NAALADL2: variants seen among roughly 807,000 people sequenced by gnomAD.
NAALADL2 encodes the protein N-acetylated alpha-linked acidic dipeptidase like 2.
A neutral mutation model predicts 87.2 loss-of-function variants in NAALADL2; 76 were observed. That is an observed-to-expected ratio of 0.87 (90% CI 0.72 to 1.05). The LOEUF (loss-of-function observed/expected upper bound fraction) is 1.05, where lower values mean the gene tolerates loss of function less well. Ranked by LOEUF, NAALADL2 falls within the 50% of genes least tolerant of loss-of-function variation. The pLI, the probability that NAALADL2 is intolerant of heterozygous loss-of-function variation, is 0.00. For synonymous variants in NAALADL2, 354 were observed against 331.0 expected (o/e 1.07, Z -0.75); for missense variants, 1,089 against 945.8 (o/e 1.15, Z -1.99).
At chr3:174,968,199 G>A (rs1265421207) in intron 1 of NAALADL2, among the ~76,000 whole-genome samples, 1 of 152,130 alleles carries the variant, frequency 6.6e-6, no homozygotes, top group Non-Finnish European at 1.5e-5. Context: ...GAGATGGTCT[G>A]TTACTCTTGC....
At chr3:175,113,273 C>G (rs184426096) in intron 2 of NAALADL2, among the ~76,000 whole-genome samples, 2 of 151,598 alleles carry the variant, frequency 1.3e-5, no homozygotes, top group East Asian at 3.9e-4. Context: ...GTAGCCACTT[C>G]ATAAATATTC....
intron 10 of NAALADL2, among the ~76,000 whole-genome samples, chr3:175,615,380 A>C (rs77445161): frequency 0.019 from 2,839 of 152,312 alleles, 57 homozygotes; most frequent in Non-Finnish European, 0.022. Context: ...TTTGATGAAT[A>C]AATAGTTCTA....
intron 1 of NAALADL2, among the ~76,000 whole-genome samples, chr3:174,462,311 T>C (rs948204208): frequency 6.6e-6 from 1 of 152,118 alleles, no homozygotes; most frequent in Admixed American, 6.6e-5. Context: ...TGTATAATGA[T>C]GTAGCCACCT....
chr3:175,786,132 C>T (rs930736940), intron 13 of NAALADL2, among the ~76,000 whole-genome samples: 2 of 151,960 alleles, frequency 1.3e-5, no homozygotes, highest in Non-Finnish European at 2.9e-5. Context: ...CTGCCCTTAA[C>T]ATTTTTTCCT....
chr3:174,793,760 G>T (rs1487577241), intron 3 of NAALADL2, among the ~76,000 whole-genome samples: 1 of 150,570 alleles, frequency 6.6e-6, no homozygotes, highest in Non-Finnish European at 1.5e-5. Context: ...TATCAACCAG[G>T]TACTGTTTAC....
At chr3:174,814,551 T>C (rs978955642) in intron 3 of NAALADL2, among the ~76,000 whole-genome samples, 1 of 152,138 alleles carries the variant, frequency 6.6e-6, no homozygotes, top group Non-Finnish European at 1.5e-5. Flanking sequence ...TGTGTGTACC[T>C]TGTGTGTGAT....
intron 2 of NAALADL2, among the ~76,000 whole-genome samples, chr3:174,717,740 G>C (rs1731326088): frequency 6.6e-6 from 1 of 152,198 alleles, no homozygotes; most frequent in South Asian, 2.1e-4. Context: ...ATGCTTAAGA[G>C]CATTTCCTTG....
chr3:174,737,997 G>T (rs1733380241), intron 3 of NAALADL2, among the ~76,000 whole-genome samples: 1 of 152,002 alleles, frequency 6.6e-6, no homozygotes, highest in African/African-American at 2.4e-5. Flanking sequence ...GTTGAAATTG[G>T]TACAGTCTTC....
At chr3:175,383,291 T>C (rs1767996361) in intron 5 of NAALADL2, among the ~76,000 whole-genome samples, 1 of 152,046 alleles carries the variant, frequency 6.6e-6, no homozygotes, top group Non-Finnish European at 1.5e-5. Flanking sequence ...CCTTTTATTA[T>C]ATTTTATTAA....
chr3:175,655,611 T>G, intron 11 of NAALADL2: 1 of 190,282 alleles, frequency 5.3e-6, no homozygotes, highest in Non-Finnish European at 1.1e-5. Context: ...GCAAGAGAGA[T>G]TTCCTGTTAC....
intron 1 of NAALADL2, among the ~76,000 whole-genome samples, chr3:174,501,773 A>G (rs1193596852): frequency 2.0e-5 from 3 of 151,894 alleles, no homozygotes; most frequent in Non-Finnish European, 2.9e-5. Flanking sequence ...TTGGTAATTT[A>G]TATCTTTTTT....
chr3:174,522,493 CA>C (rs1051061652), intron 1 of NAALADL2, among the ~76,000 whole-genome samples: 18 of 150,732 alleles, frequency 1.2e-4, no homozygotes, highest in Admixed American at 1.1e-3. Flanking sequence ...TTCATCTCTC[CA>C]AAAAAAAGAA....
chr3:175,790,494 T>C (rs988775155), intron 13 of NAALADL2, among the ~76,000 whole-genome samples: 2 of 152,198 alleles, frequency 1.3e-5, no homozygotes, highest in African/African-American at 4.8e-5. Context: ...AAACACTCAT[T>C]ATCAATCTTT....
At chr3:174,778,016 C>T (rs1015341223) in intron 3 of NAALADL2, among the ~76,000 whole-genome samples, 4 of 152,054 alleles carry the variant, frequency 2.6e-5, no homozygotes, top group Non-Finnish European at 5.9e-5. Context: ...CATTCCAATG[C>T]TATGACAATT....
chr3:175,040,769 G>A (rs559702330), intron 1 of NAALADL2, among the ~76,000 whole-genome samples: 2 of 152,178 alleles, frequency 1.3e-5, no homozygotes, highest in East Asian at 1.9e-4. Flanking sequence ...TATAGGCAAG[G>A]CCATAACAAA....
intron 2 of NAALADL2, among the ~76,000 whole-genome samples, chr3:175,233,079 A>G (rs1294738514): frequency 2.0e-5 from 3 of 152,224 alleles, no homozygotes; most frequent in African/African-American, 7.2e-5. Flanking sequence ...AGAAAGTACA[A>G]CACAACATTA....
chr3:175,609,252 C>A (rs1262985867), intron 10 of NAALADL2, among the ~76,000 whole-genome samples: 1 of 151,832 alleles, frequency 6.6e-6, no homozygotes, highest in East Asian at 1.9e-4. Flanking sequence ...ACATTGGAAG[C>A]AATGAGAAGT....
intron 13 of NAALADL2, among the ~76,000 whole-genome samples, chr3:175,769,291 T>C (rs1749159458): frequency 6.6e-6 from 1 of 152,150 alleles, no homozygotes; most frequent in Admixed American, 6.5e-5. Context: ...TTACTTTCTA[T>C]TGGGAAGGAA....
chr3:174,619,194 G>A (rs1560097324), intron 2 of NAALADL2, among the ~76,000 whole-genome samples: 1 of 151,914 alleles, frequency 6.6e-6, no homozygotes, highest in Non-Finnish European at 1.5e-5. Context: ...CAGATGTTTA[G>A]TGAAATTGTG....
Sources: gnomAD v4.1 joint callset for allele counts (sites outside exome capture counted in the v4.1 genomes callset) on GRCh38, gnomAD v4.1.1 for gene constraint, MANE v1.5 for transcripts, NCBI Gene and HGNC (gene_info 2026-07-23, HGNC 2026-07-21) for gene names.